Variants in ZFHX4 observed in about 807,000 individuals in gnomAD.
The protein encoded by ZFHX4 is zinc finger homeobox 4.
Under a neutral mutation model 267.6 loss-of-function variants are expected in ZFHX4, and 56 were observed. The ratio of observed to expected loss-of-function variants is 0.21; its 90% confidence interval spans 0.17 to 0.26. The LOEUF (loss-of-function observed/expected upper bound fraction) is 0.26, where lower values mean the gene tolerates loss of function less well. ZFHX4 is among the 10% of genes least tolerant of loss of function. The pLI is 1.00. For missense variants in ZFHX4, 4,332 were observed against 4,420.0 expected (o/e 0.98, Z 0.56); for synonymous variants, 1,778 against 1,665.6 (o/e 1.07, Z -1.64).
intron 3 of ZFHX4, among the ~76,000 whole-genome samples, chr8:76,765,784 C>T (rs1057093534): frequency 6.6e-6 from 1 of 151,940 alleles, no homozygotes; most frequent in Non-Finnish European, 1.5e-5. Context: ...TTTATTTAAC[C>T]TTCAAAACAA....
intron 3 of ZFHX4, among the ~76,000 whole-genome samples, chr8:76,713,761 T>G (rs1808492722): frequency 6.6e-6 from 1 of 152,178 alleles, no homozygotes; most frequent in African/African-American, 2.4e-5. Context: ...CAGCGTGCAT[T>G]TTTTAAAAAG....
chr8:76,724,183 G>C (rs1808795786), intron 3 of ZFHX4, among the ~76,000 whole-genome samples: 1 of 152,068 alleles, frequency 6.6e-6, no homozygotes, highest in African/African-American at 2.4e-5. Context: ...GGTCATGATA[G>C]TGATAATCAG....
intron 3 of ZFHX4, among the ~76,000 whole-genome samples, chr8:76,757,773 G>A (rs2131722531): frequency 6.6e-6 from 1 of 152,308 alleles, no homozygotes; most frequent in African/African-American, 2.4e-5. Flanking sequence ...CAGGGTAGGA[G>A]GAGCCCAGGA....
At chr8:76,739,254 C>A (rs541607014) in intron 3 of ZFHX4, among the ~76,000 whole-genome samples, 73 of 152,104 alleles carry the variant, frequency 4.8e-4, no homozygotes, top group Non-Finnish European at 9.7e-4. Context: ...AGTCCATGTT[C>A]AATTTCAAAA....
chr8:76,719,495 T>C (rs1808663930), intron 3 of ZFHX4, among the ~76,000 whole-genome samples: 1 of 152,070 alleles, frequency 6.6e-6, no homozygotes, highest in Admixed American at 6.5e-5. Flanking sequence ...GCCTTGCTAA[T>C]TGTGGGAGGA....
chr8:76,731,890 A>T (rs900334657), intron 3 of ZFHX4, among the ~76,000 whole-genome samples: 6 of 145,970 alleles, frequency 4.1e-5, no homozygotes, highest in Admixed American at 6.9e-5. Flanking sequence ...TATTATTATT[A>T]TTTTTGAGAC....
In ZFHX4 at chr8:76,812,436, A is replaced by G. The variant is rs1022438646; in HGVS notation, c.3326-20902A>G. 2.6e-5 allele frequency among the ~76,000 whole-genome samples: 4 copies of G among 152,210 alleles called. No individual in the cohort carries two copies. The East Asian group carries it at 5.8e-4, about 22-fold the overall frequency. On this transcript the variant is annotated intron_variant, in intron 4 of 10. Coordinates refer to ENST00000651372, the MANE Select transcript of ZFHX4 (RefSeq NM_024721.5). ...AGCAGTGGAACTCTGAGTTCTGTGC[A>G]TATTGTCTAATAAAGAACAGGCATT... is the stretch of plus-strand genomic sequence containing the variant.
chr8:76,722,267 A>G (rs1808742322), intron 3 of ZFHX4, among the ~76,000 whole-genome samples: 1 of 152,088 alleles, frequency 6.6e-6, no homozygotes, highest in African/African-American at 2.4e-5. Flanking sequence ...ATAAGCTCCT[A>G]TACCATATCA....
Position 76,705,359 on chromosome 8 carries a change from C to G in ZFHX4, c.1271C>G (p.Ser424Cys), listed in dbSNP as rs955951814. Residue 424 changes from serine to cysteine, a missense_variant, in exon 2 of 11, where the codon TCC (serine) becomes TGC (cysteine). This residue lies in a region of ZFHX4 where 1,195 missense variants were observed against 1,173.6 expected (regional missense o/e 1.02). Transcript: ENST00000651372. ...LVVNTPITSV[S>C]LSHSSSESSK... ...GTGAACACCCCAATTACCTCTGTCT[C>G]CCTCAGCCACTCATCGTCTGAGTCT... 6.9e-5 allele frequency: 112 copies of G among 1,613,812 alleles called. No homozygotes were observed. The highest frequency in any genetic ancestry group is 8.5e-5 in the Non-Finnish European group (100 of 1,179,904).
At chr8:76,827,977 ATGT>A (rs1811831341) in intron 4 of ZFHX4, among the ~76,000 whole-genome samples, 2 of 152,230 alleles carry the variant, frequency 1.3e-5, no homozygotes, top group African/African-American at 4.8e-5. Flanking sequence ...AACAAAGATG[ATGT>A]TGCTTGGTTA....
chr8:76,862,972 G>A, intron 10 of ZFHX4, 122 bp from the exon 11 acceptor site: 1 of 1,362,976 alleles, frequency 7.3e-7, no homozygotes, highest in Non-Finnish European at 9.5e-7. Context: ...TTCCTATTGT[G>A]TGTAATACAT....
intron 4 of ZFHX4, among the ~76,000 whole-genome samples, chr8:76,820,124 T>G (rs939481763): frequency 6.6e-6 from 1 of 152,242 alleles, no homozygotes; most frequent in Non-Finnish European, 1.5e-5. Context: ...AAGGGAATTC[T>G]GCCTTTGGCT....
intron 4 of ZFHX4, among the ~76,000 whole-genome samples, chr8:76,799,179 A>G (rs1250019997): frequency 1.3e-5 from 2 of 152,110 alleles, no homozygotes; most frequent in Admixed American, 1.3e-4. Context: ...GTCCAGTCAC[A>G]TGCTGAGATT....
Position 76,704,031 on chromosome 8 carries a change from T to A in ZFHX4, c.-46-12T>A, listed in dbSNP as rs1473392207. 6 of 1,497,154 alleles carry A rather than the reference T, an allele frequency of 4.0e-6. No homozygotes were observed. The highest frequency in any genetic ancestry group is 5.3e-6 in the Non-Finnish European group (6 of 1,121,560). The allele number at this position is 1,497,154 out of a possible 1,614,324, so 92.7% of individuals were successfully genotyped here. A position where few individuals can be genotyped will look rare whatever the true frequency, so the allele number is the denominator to read the frequency against. On this transcript the variant is annotated splice_polypyrimidine_tract_variant and intron_variant, in intron 1 of 10. Transcript: ENST00000651372. ...AATAAAAATGGCTTCTCTCACCTTA[T>A]TTTTTATCCAGGTCCCTGACAGGCT...
At chr8:76,774,012 T>G (rs1282860932) in intron 3 of ZFHX4, among the ~76,000 whole-genome samples, 1 of 152,146 alleles carries the variant, frequency 6.6e-6, no homozygotes, top group Non-Finnish European at 1.5e-5. Flanking sequence ...TGGACCAGAC[T>G]GAATAAAAGC....
At chr8:76,711,482 CTG>C (rs1808422952) in intron 3 of ZFHX4, among the ~76,000 whole-genome samples, 1 of 152,084 alleles carries the variant, frequency 6.6e-6, no homozygotes, top group Non-Finnish European at 1.5e-5. Flanking sequence ...ATGTGTGTGT[CTG>C]TGTGTGTATA....
At position 76,800,135 on chromosome 8, in the gene ZFHX4, A is replaced by G. The variant is rs146709326; in HGVS notation, c.3325+21696A>G. Among the ~76,000 whole-genome samples the G allele has an allele frequency of 2.0e-5, 3 of 152,158 alleles. No individual in the cohort carries two copies. In the East Asian group the frequency reaches 5.8e-4, roughly 29 times the overall value. On this transcript the variant is annotated intron_variant, in intron 4 of 10. Coordinates refer to ENST00000651372, the MANE Select transcript of ZFHX4 (RefSeq NM_024721.5). ...GAAGGGGAGGCTCCTCCCAAAAGGT[A>G]CAAAGTGAAGGAGTCGCACAATTAG...
chr8:76,866,420 T>G lies in ZFHX4; in HGVS notation c.*1855T>G, dbSNP rs939800296. On this transcript the variant is annotated 3_prime_UTR_variant, in exon 11 of 11. Coordinates refer to ENST00000651372, the MANE Select transcript of ZFHX4 (RefSeq NM_024721.5). ...ATGATGATCACAGCAATCTTTATTC[T>G]ATACATTTTATGTGAACTTTTTTAA... The G allele has an allele frequency of 6.6e-6, 1 of 152,556 alleles. No homozygotes were observed. Among genetic ancestry groups the G allele is most frequent in the Non-Finnish European group, 1.5e-5 (1 of 68,018 alleles). 9.5% of individuals were successfully genotyped at this position (152,556 alleles called of 1,614,324 possible).
At chr8:76,730,508 C>T (rs557362536) in intron 3 of ZFHX4, among the ~76,000 whole-genome samples, 28 of 152,160 alleles carry the variant, frequency 1.8e-4, no homozygotes, top group African/African-American at 6.3e-4. Context: ...CAAGACCAGC[C>T]TGGCCAACAT....
Sources: allele counts gnomAD v4.1 joint callset (sites outside exome capture counted in the v4.1 genomes callset), GRCh38; gene constraint gnomAD v4.1.1; regional missense constraint gnomAD v4.1.1; transcripts MANE v1.5; gene names NCBI Gene and HGNC (gene_info 2026-07-23, HGNC 2026-07-21).